LIN28B: variants seen among roughly 807,000 people sequenced by gnomAD.
LIN28B encodes lin-28 RNA binding posttranscriptional regulator B, also known as protein lin-28 homolog B.
A neutral mutation model predicts 21.9 loss-of-function variants in LIN28B; 5 were observed. The observed-to-expected ratio is 0.23, with a 90% CI of 0.12 to 0.48. The LOEUF is 0.48. Ranked by LOEUF, LIN28B falls within the 20% of genes least tolerant of loss-of-function variation. LIN28B has a pLI of 0.98. For synonymous variants in LIN28B, 109 were observed against 111.3 expected (o/e 0.98, Z 0.13); for missense variants, 245 against 310.5 (o/e 0.79, Z 1.58).
intron 2 of LIN28B, among the ~76,000 whole-genome samples, chr6:104,991,297 G>A (rs946655879): frequency 9.9e-5 from 15 of 151,492 alleles, no homozygotes; most frequent in Admixed American, 9.2e-4. Flanking sequence ...CTTCTCGGAC[G>A]GGGCGGCTGC....
intron 2 of LIN28B, among the ~76,000 whole-genome samples, chr6:104,991,699 C>A (rs1770484083): frequency 6.6e-6 from 1 of 152,166 alleles, no homozygotes; most frequent in Non-Finnish European, 1.5e-5. Flanking sequence ...CGAGATCACG[C>A]CACTGCACTC....
chr6:104,973,087 G>A (rs1179576280), intron 2 of LIN28B, among the ~76,000 whole-genome samples: 1 of 151,748 alleles, frequency 6.6e-6, no homozygotes, highest in Non-Finnish European at 1.5e-5. Context: ...CTCCAGCCTG[G>A]GGGATAGAGT....
At chr6:104,938,236 C>G (rs377428036) in intron 2 of LIN28B, among the ~76,000 whole-genome samples, 2 of 151,820 alleles carry the variant, frequency 1.3e-5, no homozygotes, top group African/African-American at 4.8e-5. Context: ...AGAGTGAGAC[C>G]GAGTCTCTAA....
chr6:105,030,262 A>T (rs1771391180), intron 3 of LIN28B, among the ~76,000 whole-genome samples: 2 of 152,208 alleles, frequency 1.3e-5, no homozygotes, highest in Admixed American at 1.3e-4. Context: ...AAGATTTGAC[A>T]GTGTGGTAGC....
At chr6:105,029,243 G>A (rs749925394) in intron 3 of LIN28B, among the ~76,000 whole-genome samples, 1 of 152,192 alleles carries the variant, frequency 6.6e-6, no homozygotes, top group Non-Finnish European at 1.5e-5. Flanking sequence ...AAGAAACAAA[G>A]CAGTGGCTAA....
chr6:105,026,479 A>T lies in LIN28B; in HGVS notation c.380A>T (p.Asp127Val). ...CTACAGAAAAGAAAACCAAAGGGAGATAGGTAATCATTTTTACTTTGTTAA... is the reference window on the plus strand; with the variant it reads ...CTACAGAAAAGAAAACCAAAGGGAGTTAGGTAATCATTTTTACTTTGTTAA... The part of the protein sequence containing the change: ...KTLQKRKPKG[D>V]RCYNCGGLDH... Residue 127 changes from aspartate to valine, a missense_variant, in exon 3 of 4, where the codon GAT (aspartate) becomes GTT (valine). Physicochemically the swap from Asp to Val is radical, Grantham distance 152. Coordinates refer to ENST00000345080, the MANE Select transcript of LIN28B (RefSeq NM_001004317.4). The T allele has an allele frequency of 6.5e-7, 1 of 1,545,324 alleles. No homozygotes were observed. The highest frequency in any genetic ancestry group is 2.3e-5 in the East Asian group (1 of 44,048).
At chr6:105,056,260 A>G (rs893157659) in intron 3 of LIN28B, among the ~76,000 whole-genome samples, 2 of 74,484 alleles carry the variant, frequency 2.7e-5, no homozygotes, top group African/African-American at 6.1e-5. Flanking sequence ...CATGCGTAGT[A>G]ATTTTTTTAT....
At chr6:104,981,418 CA>C (rs754794058) in intron 2 of LIN28B, among the ~76,000 whole-genome samples, 2 of 152,194 alleles carry the variant, frequency 1.3e-5, no homozygotes, top group Non-Finnish European at 2.9e-5. Flanking sequence ...CTGCTCTTAA[CA>C]AAAGAAAACT....
chr6:105,041,396 T>C (rs1296394918), intron 3 of LIN28B, among the ~76,000 whole-genome samples: 1 of 152,192 alleles, frequency 6.6e-6, no homozygotes, highest in East Asian at 1.9e-4. Flanking sequence ...TTTTTCTTTC[T>C]ATTTTCATAA....
intron 2 of LIN28B, among the ~76,000 whole-genome samples, chr6:104,965,346 C>T (rs1262945383): frequency 6.6e-6 from 1 of 151,964 alleles, no homozygotes; most frequent in Non-Finnish European, 1.5e-5. Flanking sequence ...GGTAACATGG[C>T]AAAACTCCGT....
At chr6:105,074,401 T>A (rs563067548) in intron 3 of LIN28B, among the ~76,000 whole-genome samples, 1 of 152,146 alleles carries the variant, frequency 6.6e-6, no homozygotes, top group East Asian at 1.9e-4. Flanking sequence ...GGTTTCACCA[T>A]GTTAGCCAAG....
intron 3 of LIN28B, among the ~76,000 whole-genome samples, chr6:105,074,704 T>A (rs1772393420): frequency 6.6e-6 from 1 of 152,108 alleles, no homozygotes; most frequent in African/African-American, 2.4e-5. Flanking sequence ...ACATTTTTGT[T>A]TATTTTATCT....
At chr6:104,969,270 GT>G (rs1372838080) in intron 2 of LIN28B, among the ~76,000 whole-genome samples, 8 of 152,038 alleles carry the variant, frequency 5.3e-5, no homozygotes, top group Admixed American at 2.0e-4. Flanking sequence ...CCCTTTCACT[GT>G]TTCCTCCCCC....
chr6:104,960,629 C>A (rs2114570966), intron 2 of LIN28B, among the ~76,000 whole-genome samples: 1 of 150,880 alleles, frequency 6.6e-6, no homozygotes, highest in East Asian at 1.9e-4. Context: ...TTGAAGTATT[C>A]TGAAACATTT....
rs1368186484 is a variant in LIN28B at position 105,083,237 on chromosome 6, C to T, written c.*4454C>T. 6.6e-6 allele frequency: 1 copy of T among 152,458 alleles called. No individual in the cohort carries two copies. Among genetic ancestry groups the T allele is most frequent in the Non-Finnish European group, 1.5e-5 (1 of 68,034 alleles). 9.4% of individuals were successfully genotyped at this position (152,458 alleles called of 1,614,324 possible). A position where few individuals can be genotyped will look rare whatever the true frequency, so the allele number is the denominator to read the frequency against. ...CTGTACACTCTGGGTTTTATATTCTCATTTCATGCCTAATGTCTTATTCTG... is the reference window on the plus strand; with the variant it reads ...CTGTACACTCTGGGTTTTATATTCTTATTTCATGCCTAATGTCTTATTCTG... On this transcript the variant is annotated 3_prime_UTR_variant, in exon 4 of 4. Coordinates refer to ENST00000345080, the MANE Select transcript of LIN28B (RefSeq NM_001004317.4).
At chr6:104,997,292 AAAAG>A (rs1208399285) in intron 2 of LIN28B, among the ~76,000 whole-genome samples, 28 of 147,374 alleles carry the variant, frequency 1.9e-4, no homozygotes, top group South Asian at 1.3e-3. Flanking sequence ...AAAAAAAAAA[AAAAG>A]AAAAGAAAAA....
rs1209660144 is a variant in LIN28B, at chr6:105,048,903, CTCTTT to C, written c.383+22426_383+22430del. 2.6e-5 allele frequency among the ~76,000 whole-genome samples: 4 copies of C among 152,220 alleles called. No individual in the cohort carries two copies. In the East Asian group the frequency reaches 7.7e-4, roughly 29 times the overall value. ...TTTATTGCGTCTATTTGATTCTTCT[CTCTTT>C]TCTTCTTTATTAGTCTTGCTTGCAG... On this transcript the variant is annotated intron_variant, in intron 3 of 3. Coordinates refer to ENST00000345080, the MANE Select transcript of LIN28B (RefSeq NM_001004317.4).
intron 3 of LIN28B, among the ~76,000 whole-genome samples, chr6:105,037,879 T>C (rs1044013096): frequency 2.6e-5 from 4 of 152,102 alleles, no homozygotes; most frequent in Non-Finnish European, 4.4e-5. Context: ...GATTACCTTA[T>C]TTATATTAAA....
chr6:104,980,487 T>C (rs1308510002), intron 2 of LIN28B, among the ~76,000 whole-genome samples: 1 of 152,126 alleles, frequency 6.6e-6, no homozygotes, highest in African/African-American at 2.4e-5. Flanking sequence ...TCATCCCAGA[T>C]TGGTTTCAGA....
Sources: gnomAD v4.1 joint callset for allele counts (sites outside exome capture counted in the v4.1 genomes callset) on GRCh38, gnomAD v4.1.1 for gene constraint, MANE v1.5 for transcripts, NCBI Gene and HGNC (gene_info 2026-07-23, HGNC 2026-07-21) for gene names.